Variants in HPSE2 observed in about 807,000 individuals in gnomAD.
The protein encoded by HPSE2 is heparanase 2 (inactive).
In HPSE2, 38 loss-of-function variants were observed where a neutral mutation model predicts 60.5. The ratio of observed to expected loss-of-function variants is 0.63; its 90% CI spans 0.48 to 0.82. The LOEUF (loss-of-function observed/expected upper bound fraction) is 0.82. Among genes scored for constraint, HPSE2 ranks in the 40% least tolerant of loss-of-function variants. The probability of loss-of-function intolerance (pLI) is 0.00; values close to 1 mark genes in which losing one functional copy is unlikely to be tolerated. For missense variants in HPSE2, 713 were observed against 740.4 expected (o/e 0.96, Z 0.43); for synonymous variants, 295 against 293.2 (o/e 1.01, Z -0.06).
At chr10:98,908,168 C>T (rs1953876202) in intron 3 of HPSE2, among the ~76,000 whole-genome samples, 1 of 152,082 alleles carries the variant, frequency 6.6e-6, no homozygotes, top group Non-Finnish European at 1.5e-5. Context: ...GTTAATTAGT[C>T]ACAATAATCA....
chr10:98,965,960 G>A (rs902351944), intron 3 of HPSE2, among the ~76,000 whole-genome samples: 1 of 151,804 alleles, frequency 6.6e-6, no homozygotes, highest in Non-Finnish European at 1.5e-5. Flanking sequence ...CGCGAATCTG[G>A]GCTCACTGCA....
At chr10:99,205,141 A>G (rs1848701421) in intron 2 of HPSE2, among the ~76,000 whole-genome samples, 2 of 152,202 alleles carry the variant, frequency 1.3e-5, no homozygotes, top group African/African-American at 2.4e-5. Context: ...ATTGGTTACA[A>G]TGTTCACTAT....
rs991087302 is a variant in HPSE2 at position 98,788,622 on chromosome 10, G to A, written c.611-44566C>T. Among the ~76,000 whole-genome samples, 3 of 152,208 alleles carry A rather than the reference G, an allele frequency of 2.0e-5. No individual in the cohort carries two copies. In the South Asian group the frequency reaches 6.2e-4, roughly 32 times the overall value. Reference sequence around the variant, plus strand: ...ATTCCGTGGGCGTAGGACCCTCTGAGCCAGGTGTGGGATATCGTCTCGTGG... The same window carrying A: ...ATTCCGTGGGCGTAGGACCCTCTGAACCAGGTGTGGGATATCGTCTCGTGG... On this transcript the variant is annotated intron_variant, in intron 3 of 11. Transcript: ENST00000370552.
At chr10:99,048,025 A>G (rs1260472361) in intron 3 of HPSE2, 2 of 688,812 alleles carry the variant, frequency 2.9e-6, no homozygotes, top group African/African-American at 3.5e-5. Flanking sequence ...ACAAGGCTGC[A>G]ATTAATATGC....
At chr10:98,509,587 C>T (rs1467703532) in intron 9 of HPSE2, among the ~76,000 whole-genome samples, 1 of 151,726 alleles carries the variant, frequency 6.6e-6, no homozygotes, top group African/African-American at 2.4e-5. Context: ...CTGCAACCTC[C>T]GCCTCCTGGG....
the HPSE2 span, among the ~76,000 whole-genome samples, chr10:99,284,000 T>C: frequency 2.5e-5 from 1 of 39,404 alleles, no homozygotes; most frequent in Non-Finnish European, 5.6e-5. Context: ...TCCAAAAAAC[T>C]TAAAGGGAAG....
the HPSE2 span, among the ~76,000 whole-genome samples, chr10:99,251,818 A>C: frequency 7.1e-6 from 1 of 140,484 alleles, no homozygotes; most frequent in African/African-American, 2.7e-5. Context: ...TGAGACGAAG[A>C]GTTTGAGACC....
chr10:99,289,154 G>A, the HPSE2 span, among the ~76,000 whole-genome samples: 1 of 152,140 alleles, frequency 6.6e-6, no homozygotes, highest in African/African-American at 2.4e-5. Context: ...CCTAAAGATG[G>A]ACTGAGAGGC....
At chr10:99,075,496 T>TC in intron 3 of HPSE2, among the ~76,000 whole-genome samples, 1 of 152,258 alleles carries the variant, frequency 6.6e-6, no homozygotes, top group African/African-American at 2.4e-5. Flanking sequence ...AAATATATAT[T>TC]CCTCTGTTGT....
chr10:99,045,627 G>T (rs933930776), intron 3 of HPSE2, among the ~76,000 whole-genome samples: 12 of 151,948 alleles, frequency 7.9e-5, no homozygotes, highest in Non-Finnish European at 1.3e-4. Context: ...ATCCAAGTAA[G>T]TACAATAAGA....
chr10:98,591,257 A>G (rs1251783837), intron 9 of HPSE2, among the ~76,000 whole-genome samples: 1 of 152,230 alleles, frequency 6.6e-6, no homozygotes, highest in Admixed American at 6.5e-5. Flanking sequence ...CTATGGGACA[A>G]TTTACATGGA....
chr10:99,172,737 G>A (rs1468286386), intron 2 of HPSE2, among the ~76,000 whole-genome samples: 1 of 152,250 alleles, frequency 6.6e-6, no homozygotes, highest in South Asian at 2.1e-4. Flanking sequence ...AATTAGCCAG[G>A]TGTGGTGGCG....
At chr10:98,560,862 C>T (rs572603685) in intron 9 of HPSE2, among the ~76,000 whole-genome samples, 28 of 38,004 alleles carry the variant, frequency 7.4e-4, no homozygotes, top group Admixed American at 1.3e-3. Flanking sequence ...AACTACTGCA[C>T]AGCCAGTTGT....
chr10:98,888,772 T>C (rs1318854736), intron 3 of HPSE2, among the ~76,000 whole-genome samples: 1 of 152,224 alleles, frequency 6.6e-6, no homozygotes, highest in Non-Finnish European at 1.5e-5. Context: ...TTGTTAACTT[T>C]GAACATGCCA....
intron 3 of HPSE2, among the ~76,000 whole-genome samples, chr10:98,861,561 C>T (rs1171763162): frequency 2.6e-5 from 4 of 152,140 alleles, no homozygotes; most frequent in African/African-American, 9.7e-5. Context: ...TTCAGTAACA[C>T]ATTTTTGTTC....
At chr10:98,855,118 C>A (rs757950777) in intron 3 of HPSE2, among the ~76,000 whole-genome samples, 3 of 152,218 alleles carry the variant, frequency 2.0e-5, no homozygotes, top group Non-Finnish European at 2.9e-5. Flanking sequence ...AATACCTGCA[C>A]TTGCAGAAAA....
chr10:99,005,478 A>T (rs1032640335), intron 3 of HPSE2, among the ~76,000 whole-genome samples: 1 of 152,014 alleles, frequency 6.6e-6, no homozygotes, highest in African/African-American at 2.4e-5. Flanking sequence ...TGTGTCTTTC[A>T]GCTCCAGAAT....
At chr10:98,641,745 A>C in intron 7 of HPSE2, 102 bp downstream of exon 7, 1 of 874,462 alleles carries the variant, frequency 1.1e-6, no homozygotes, top group Non-Finnish European at 1.9e-6. Flanking sequence ...CTATTTTTCT[A>C]CTCTGGTTCC....
At chr10:99,245,631 A>T in the HPSE2 span, among the ~76,000 whole-genome samples, 1 of 152,240 alleles carries the variant, frequency 6.6e-6, no homozygotes, top group African/African-American at 2.4e-5. Flanking sequence ...ATACTGAATA[A>T]CGCTAATTGT....
Sources: allele counts gnomAD v4.1 joint callset (sites outside exome capture counted in the v4.1 genomes callset), GRCh38; gene constraint gnomAD v4.1.1; transcripts MANE v1.5; gene names NCBI Gene and HGNC (gene_info 2026-07-23, HGNC 2026-07-21).